NIPSNAP2: variants seen among roughly 807,000 people sequenced by gnomAD.
NIPSNAP2 encodes nipsnap homolog 2.
In NIPSNAP2, 42 loss-of-function variants were observed where a neutral mutation model predicts 48.4. The observed-to-expected ratio is 0.87, with a 90% confidence interval of 0.68 to 1.12. The LOEUF is 1.12. Among genes scored for constraint, NIPSNAP2 ranks in the 50% most tolerant of loss-of-function variants. The pLI, the probability that NIPSNAP2 is intolerant of heterozygous loss-of-function variation, is 0.00. For synonymous variants in NIPSNAP2, 158 were observed against 126.6 expected (o/e 1.25, Z -1.67); for missense variants, 314 against 347.3 (o/e 0.90, Z 0.76).
rs1787626533 is a variant in NIPSNAP2, at chr7:55,999,037, A to G, written c.826A>G (p.Ile276Val). 2 of 1,614,104 alleles carry G rather than the reference A, an allele frequency of 1.2e-6. No individual in the cohort carries two copies. The highest frequency in any genetic ancestry group is 4.5e-5 in the East Asian group (2 of 44,876). Residue 276 changes from isoleucine (I) to valine (V), a missense_variant, in exon 10 of 10, where the codon ATC becomes GTC. Coordinates refer to ENST00000322090, the MANE Select transcript of NIPSNAP2 (RefSeq NM_001483.3). ...VPLIQEMESRIMIPLKTSPLQ is the reference protein window; with the variant it reads ...VPLIQEMESRVMIPLKTSPLQ The stretch of plus-strand genomic sequence containing the variant: ...ACTTATTCAGGAAATGGAATCCAGA[A>G]TCATGATCCCACTGAAGACCTCGCC...
At chr7:55,986,782 AATAG>A (rs1244207212) in intron 7 of NIPSNAP2, among the ~76,000 whole-genome samples, 1 of 152,132 alleles carries the variant, frequency 6.6e-6, no homozygotes, top group Non-Finnish European at 1.5e-5. Flanking sequence ...TTGAATTCAG[AATAG>A]ATAAATAATT....
At chr7:55,968,434 G>A (rs1201811401) in intron 1 of NIPSNAP2, among the ~76,000 whole-genome samples, 12 of 150,614 alleles carry the variant, frequency 8.0e-5, no homozygotes, top group Admixed American at 1.3e-4. Flanking sequence ...CACCCAGGCC[G>A]GAGTGCAGTG....
chr7:55,992,403 T>C (rs1787472514), intron 7 of NIPSNAP2, among the ~76,000 whole-genome samples: 1 of 152,068 alleles, frequency 6.6e-6, no homozygotes, highest in Non-Finnish European at 1.5e-5. Flanking sequence ...GGCAGGAGGC[T>C]CCCTCGAGCC....
At chr7:55,966,573 A>C (rs1168785278) in intron 1 of NIPSNAP2, among the ~76,000 whole-genome samples, 1 of 152,150 alleles carries the variant, frequency 6.6e-6, no homozygotes, top group African/African-American at 2.4e-5. Flanking sequence ...GCTTGAGCTC[A>C]GGAGTTCGAG....
At chr7:55,975,178 C>T (rs1304759614) in intron 1 of NIPSNAP2, among the ~76,000 whole-genome samples, 1 of 152,020 alleles carries the variant, frequency 6.6e-6, no homozygotes, top group Non-Finnish European at 1.5e-5. Context: ...CCTGGCAAAA[C>T]CCATTCTCTA....
chr7:55,979,423 G>A (rs1787166661), intron 3 of NIPSNAP2: 1 of 189,590 alleles, frequency 5.3e-6, no homozygotes, highest in Admixed American at 5.5e-5. Flanking sequence ...CACCCAGCAT[G>A]TAGAATCACC....
chr7:55,964,605 G>A lies in NIPSNAP2; in HGVS notation c.-5G>A, dbSNP rs1786849770. ...CGGGCGGTGGGAGCCGAGGCGCCGAGCAAGATGGCGGCGCGAGTGCTGCGC... is the reference window on the plus strand; with the variant it reads ...CGGGCGGTGGGAGCCGAGGCGCCGAACAAGATGGCGGCGCGAGTGCTGCGC... On this transcript the variant is annotated 5_prime_UTR_variant, in exon 1 of 10. Coordinates refer to ENST00000322090, the MANE Select transcript of NIPSNAP2 (RefSeq NM_001483.3). The A allele has an allele frequency of 2.9e-6, 3 of 1,024,404 alleles. No homozygotes were observed. Among genetic ancestry groups the A allele is most frequent in the Non-Finnish European group, 2.3e-6 (2 of 856,766 alleles). The allele number at this position is 1,024,404 out of a possible 1,614,324, so 63.5% of individuals were successfully genotyped here.
In NIPSNAP2 at chr7:55,964,666, G is replaced by A; in HGVS notation, c.57G>A (p.Gln19=). ...CGGCCTGGGCCGGCGGCCTCCTGCA[G>A]CGGGCGGCCCCCTGCAGCCTCCTGC... The part of the protein sequence containing the change: ...RGAAWAGGLL[Q]RAAPCSLLPR... The change falls in exon 1 of 10, where the codon CAG becomes CAA. Residue 19 remains glutamine (Q), a synonymous_variant. Transcript: ENST00000322090. 1.8e-6 allele frequency: 2 copies of A among 1,117,182 alleles called. No homozygotes were observed. Among genetic ancestry groups the A allele is most frequent in the Non-Finnish European group, 2.2e-6 (2 of 914,968 alleles). 69.2% of individuals were successfully genotyped at this position (1,117,182 alleles called of 1,614,324 possible).
At chr7:55,974,816 C>G (rs997195786) in intron 1 of NIPSNAP2, among the ~76,000 whole-genome samples, 5 of 149,990 alleles carry the variant, frequency 3.3e-5, no homozygotes, top group Admixed American at 6.7e-5. Flanking sequence ...CCGCTGTACT[C>G]CAGCCTGGGC....
chr7:55,983,220 A>C (rs1043922450), intron 5 of NIPSNAP2, among the ~76,000 whole-genome samples: 2 of 152,204 alleles, frequency 1.3e-5, no homozygotes, highest in African/African-American at 4.8e-5. Flanking sequence ...AAACTGTCTA[A>C]TTCAGGAACT....
At chr7:55,996,674 T>C (rs1438671544) in intron 8 of NIPSNAP2, among the ~76,000 whole-genome samples, 2 of 152,180 alleles carry the variant, frequency 1.3e-5, no homozygotes, top group Admixed American at 6.5e-5. Context: ...TAACATGTTA[T>C]TGGAGAATTT....
At chr7:55,969,765 C>T (rs577805297) in intron 1 of NIPSNAP2, among the ~76,000 whole-genome samples, 17 of 152,026 alleles carry the variant, frequency 1.1e-4, no homozygotes, top group African/African-American at 3.4e-4. Flanking sequence ...GGGCGAATCA[C>T]GAGGTCAGGA....
rs777553508 is a variant in NIPSNAP2 at position 55,997,360 on chromosome 7, T to C, written c.713-6T>C. 6.2e-7 allele frequency: 1 copy of C among 1,610,612 alleles called. No homozygotes were observed. Among genetic ancestry groups the C allele is most frequent in the Non-Finnish European group, 8.5e-7 (1 of 1,176,918 alleles). ...AGTCTTACTTCTCTGTGTGGTTATT[T>C]TTAAGCTTACAGGGATCTTCAGACC... is the stretch of plus-strand genomic sequence containing the variant. On this transcript the variant is annotated splice_polypyrimidine_tract_variant and splice_region_variant and intron_variant, in intron 8 of 9. Transcript: ENST00000322090.
chr7:55,990,339 C>T (rs561430441), intron 7 of NIPSNAP2, among the ~76,000 whole-genome samples: 1 of 151,880 alleles, frequency 6.6e-6, no homozygotes, highest in East Asian at 2.0e-4. Flanking sequence ...CGCCATTCTC[C>T]TGCCTCAGCC....
Position 55,999,628 on chromosome 7 carries a change from G to GT in NIPSNAP2, c.*560dup, listed in dbSNP as rs2116387098. On this transcript the variant is annotated 3_prime_UTR_variant, in exon 10 of 10. Coordinates refer to ENST00000322090, the MANE Select transcript of NIPSNAP2 (RefSeq NM_001483.3). ...AAGCAGTCCACATAGTAGACAATGG[G>GT]TTTTCCAAGCTGGGCAAGGTACATT... 6.5e-6 allele frequency: 1 copy of GT among 152,796 alleles called. No homozygotes were observed. The highest frequency in any genetic ancestry group is 2.4e-5 in the African/African-American group (1 of 41,570). The allele number at this position is 152,796 out of a possible 1,614,324, so 9.5% of individuals were successfully genotyped here.
chr7:55,991,856 T>C, intron 7 of NIPSNAP2: 1 of 255,130 alleles, frequency 3.9e-6, no homozygotes. Flanking sequence ...ACCTCGTCTG[T>C]ACAGGCTTCT....
chr7:55,972,237 C>T (rs1236961102), intron 1 of NIPSNAP2, among the ~76,000 whole-genome samples: 5 of 150,644 alleles, frequency 3.3e-5, no homozygotes, highest in African/African-American at 9.8e-5. Context: ...ACCCAGGAGG[C>T]GGAGGTTGCA....
chr7:55,995,262 CAAG>C (rs559444001), intron 8 of NIPSNAP2, among the ~76,000 whole-genome samples: 249 of 152,252 alleles, frequency 1.6e-3, no homozygotes, highest in African/African-American at 5.8e-3. Context: ...CCAGGGAAGT[CAAG>C]AGTGCCTTCC....
intron 1 of NIPSNAP2, among the ~76,000 whole-genome samples, chr7:55,968,191 C>T (rs963584642): frequency 3.3e-5 from 5 of 152,124 alleles, no homozygotes; most frequent in African/African-American, 1.2e-4. Flanking sequence ...TGCCCCCATT[C>T]CCCTACCCAC....
Sources: allele counts gnomAD v4.1 joint callset (sites outside exome capture counted in the v4.1 genomes callset), GRCh38; gene constraint gnomAD v4.1.1; transcripts MANE v1.5; gene names NCBI Gene and HGNC (gene_info 2026-07-23, HGNC 2026-07-21).